The following PRELID2 variants were observed in gnomAD, a reference collection of about 807,000 sequenced individuals.
The protein encoded by PRELID2 is PRELI domain-containing protein 2.
In PRELID2, 25 loss-of-function variants were observed where a neutral mutation model predicts 28.4. That is an observed-to-expected ratio of 0.88 (90% CI 0.64 to 1.23). The LOEUF is 1.23. Ranked by LOEUF, PRELID2 falls within the 50% of genes most tolerant of loss-of-function variation. PRELID2 has a pLI of 0.00. For missense variants in PRELID2, 201 were observed against 214.4 expected, an observed-to-expected ratio of 0.94 and a Z score of 0.39; for synonymous variants, 76 against 71.6, an observed-to-expected ratio of 1.06 and a Z score of -0.31.
chr5:145,744,403 A>G (rs1441055979), intron 1 of PRELID2, among the ~76,000 whole-genome samples: 4 of 152,078 alleles, frequency 2.6e-5, no homozygotes, highest in African/African-American at 9.7e-5. Context: ...ACTGGGTGAG[A>G]CCCTCCAACA....
the PRELID2 span, among the ~76,000 whole-genome samples, chr5:145,308,584 C>T: frequency 2.0e-5 from 3 of 151,376 alleles, no homozygotes; most frequent in East Asian, 1.9e-4. Flanking sequence ...TCTGTGGACA[C>T]GTAGGTGCAG....
At chr5:145,548,632 T>C (rs149073219) in intron 1 of PRELID2, among the ~76,000 whole-genome samples, 2 of 152,284 alleles carry the variant, frequency 1.3e-5, no homozygotes, top group Non-Finnish European at 2.9e-5. Context: ...CTGTGGTTGA[T>C]AGCCACTTCT....
the PRELID2 span, among the ~76,000 whole-genome samples, chr5:145,350,843 G>T: frequency 3.4e-3 from 511 of 152,222 alleles, 1 homozygote; most frequent in Middle Eastern, 6.8e-3. Flanking sequence ...AGGCTTCCAG[G>T]TCTAGCCTGA....
chr5:145,819,789 G>A, intron 3 of PRELID2, 156 bp downstream of exon 3: 1 of 637,226 alleles, frequency 1.6e-6, no homozygotes, highest in South Asian at 2.0e-5. Flanking sequence ...TAAAAGTGAG[G>A]TTGGATAAGA....
chr5:145,525,397 C>A lies in PRELID2; in HGVS notation n.71-52082G>T, dbSNP rs112743299. Among the ~76,000 whole-genome samples, 423 of 152,294 alleles carry A rather than the reference C, an allele frequency of 2.8e-3. 1 individual carries two copies. Among genetic ancestry groups the A allele is most frequent in the African/African-American group, 9.7e-3 (405 of 41,556 alleles). ...CAAGAATGGGACAAAATTTAAAGTC[C>A]TTAATGATATCGCCTTTTTAAATTT... On this transcript the variant is annotated intron_variant and non_coding_transcript_variant, in intron 1 of 2. Transcript: ENST00000510259.
chr5:145,638,359 T>C (rs1754038808), intron 1 of PRELID2, among the ~76,000 whole-genome samples: 1 of 152,172 alleles, frequency 6.6e-6, no homozygotes, highest in Non-Finnish European at 1.5e-5. Flanking sequence ...CAAAGCTGCT[T>C]TTATCCTGAC....
At chr5:145,459,204 C>G in the PRELID2 span, among the ~76,000 whole-genome samples, 7 of 152,138 alleles carry the variant, frequency 4.6e-5, no homozygotes, top group African/African-American at 1.7e-4. Context: ...TCTGATGTCC[C>G]CTGGGAGCTG....
chr5:145,417,365 T>C, the PRELID2 span, among the ~76,000 whole-genome samples: 1 of 151,960 alleles, frequency 6.6e-6, no homozygotes. Context: ...TCCAAACAAC[T>C]GAAAAGAAGG....
chr5:145,550,928 T>A (rs1022031017), intron 1 of PRELID2, among the ~76,000 whole-genome samples: 1 of 152,186 alleles, frequency 6.6e-6, no homozygotes, highest in Non-Finnish European at 1.5e-5. Context: ...AAAGTTTATA[T>A]CAGTAATTTG....
the PRELID2 span, among the ~76,000 whole-genome samples, chr5:145,318,425 T>C: frequency 6.6e-6 from 1 of 152,210 alleles, no homozygotes; most frequent in African/African-American, 2.4e-5. Context: ...ATTTAAAGAA[T>C]CATAAAATAA....
chr5:145,238,205 C>T, the PRELID2 span, among the ~76,000 whole-genome samples: 3 of 152,064 alleles, frequency 2.0e-5, no homozygotes, highest in Non-Finnish European at 4.4e-5. Context: ...GCAATTTTTG[C>T]TATACATTTC....
At chr5:145,672,535 A>G (rs1305495196) in intron 1 of PRELID2, among the ~76,000 whole-genome samples, 2 of 151,552 alleles carry the variant, frequency 1.3e-5, no homozygotes, top group African/African-American at 4.9e-5. Context: ...TCAAATGATG[A>G]GAGCCTATTT....
At chr5:145,266,767 T>C in the PRELID2 span, among the ~76,000 whole-genome samples, 1 of 152,110 alleles carries the variant, frequency 6.6e-6, no homozygotes, top group Non-Finnish European at 1.5e-5. Flanking sequence ...CAATTTACAA[T>C]TGCAAATATA....
At chr5:145,704,578 T>C (rs1027302653) in intron 1 of PRELID2, among the ~76,000 whole-genome samples, 2 of 152,180 alleles carry the variant, frequency 1.3e-5, no homozygotes, top group African/African-American at 2.4e-5. Flanking sequence ...TATAATGAAA[T>C]AGAAAACTTT....
chr5:145,251,815 A>G, the PRELID2 span, among the ~76,000 whole-genome samples: 103 of 151,844 alleles, frequency 6.8e-4, no homozygotes, highest in African/African-American at 2.2e-3. Context: ...TAGTCAACCA[A>G]CCCTTGGCCT....
intron 1 of PRELID2, among the ~76,000 whole-genome samples, chr5:145,713,890 A>G (rs7701109): frequency 5.3e-5 from 8 of 151,568 alleles, no homozygotes; most frequent in African/African-American, 1.9e-4. Flanking sequence ...AAACCTGTCT[A>G]TATTCAGTGA....
intron 1 of PRELID2, among the ~76,000 whole-genome samples, chr5:145,552,560 G>A (rs1031657983): frequency 4.0e-5 from 6 of 151,728 alleles, no homozygotes; most frequent in East Asian, 1.9e-4. Flanking sequence ...AGCAAGCCTC[G>A]GGGATACAAG....
Position 145,491,206 on chromosome 5 carries a change from G to A in PRELID2, n.71-17891C>T, listed in dbSNP as rs372312201. On this transcript the variant is annotated intron_variant and non_coding_transcript_variant, in intron 1 of 2. Transcript: ENST00000510259. Reference sequence around the variant, plus strand: ...GAATTTACTTCTTATAGTTCTGGGGGCTGGAAAGTCCAAGATCAAGGTGCA... The same window carrying A: ...GAATTTACTTCTTATAGTTCTGGGGACTGGAAAGTCCAAGATCAAGGTGCA... Among the ~76,000 whole-genome samples the A allele has an allele frequency of 2.6e-5, 4 of 152,084 alleles. No individual in the cohort carries two copies. The East Asian group carries it at 7.7e-4, about 29-fold the overall frequency.
the PRELID2 span, among the ~76,000 whole-genome samples, chr5:145,270,666 AG>A: frequency 6.6e-6 from 1 of 152,138 alleles, no homozygotes; most frequent in African/African-American, 2.4e-5. Flanking sequence ...ACTGTTTTCT[AG>A]GGGCATACCT....
Sources: allele counts gnomAD v4.1 joint callset (sites outside exome capture counted in the v4.1 genomes callset), GRCh38; gene constraint gnomAD v4.1.1; transcripts MANE v1.5; gene names NCBI Gene and HGNC (gene_info 2026-07-23, HGNC 2026-07-21).